The following LINGO2 variants were observed in gnomAD, a reference collection of about 807,000 sequenced individuals.
The protein encoded by LINGO2 is leucine-rich repeat and immunoglobulin-like domain-containing nogo receptor-interacting protein 2.
LINGO2 carries 14 observed loss-of-function variants against 30.6 expected under a neutral mutation model. The ratio of observed to expected loss-of-function variants is 0.46; its 90% CI spans 0.30 to 0.72. LINGO2 has a LOEUF of 0.72. Ranked by LOEUF, LINGO2 falls within the 30% of genes least tolerant of loss-of-function variation. LINGO2 has a pLI of 0.07. For synonymous variants in LINGO2, 317 were observed against 288.5 expected (o/e 1.10, Z -1.00); for missense variants, 729 against 751.7 (o/e 0.97, Z 0.35).
At chr9:28,600,632 A>G (rs1283591052) in intron 1 of LINGO2, among the ~76,000 whole-genome samples, 3 of 152,120 alleles carry the variant, frequency 2.0e-5, no homozygotes, top group Admixed American at 2.0e-4. Flanking sequence ...TTTATTTAAT[A>G]TAAATCGAAG....
intron 5 of LINGO2, among the ~76,000 whole-genome samples, chr9:27,993,472 G>A (rs1285612821): frequency 6.6e-6 from 1 of 152,026 alleles, no homozygotes; most frequent in East Asian, 1.9e-4. Flanking sequence ...AGGAGGTTGA[G>A]GCTACAGTGA....
At chr9:28,853,035 A>T in the LINGO2 span, among the ~76,000 whole-genome samples, 1 of 152,088 alleles carries the variant, frequency 6.6e-6, no homozygotes, top group East Asian at 1.9e-4. Flanking sequence ...ACTGCTGAGC[A>T]GGTGAATGGC....
At chr9:29,127,977 G>T in the LINGO2 span, among the ~76,000 whole-genome samples, 1 of 152,024 alleles carries the variant, frequency 6.6e-6, no homozygotes, top group Non-Finnish European at 1.5e-5. Context: ...AATTGGCTAA[G>T]GACAAAAGAA....
chr9:28,471,640 A>G (rs1825524463), intron 2 of LINGO2, among the ~76,000 whole-genome samples: 1 of 152,168 alleles, frequency 6.6e-6, no homozygotes, highest in Admixed American at 6.5e-5. Flanking sequence ...CAGAACAGCT[A>G]AAACAAAAAT....
chr9:29,103,209 C>G, the LINGO2 span, among the ~76,000 whole-genome samples: 2 of 152,096 alleles, frequency 1.3e-5, no homozygotes, highest in Non-Finnish European at 2.9e-5. Context: ...TTTAAAGCAT[C>G]ACAGAATTAG....
the LINGO2 span, among the ~76,000 whole-genome samples, chr9:28,760,759 T>G: frequency 1.6e-3 from 239 of 151,774 alleles, 3 homozygotes; most frequent in Non-Finnish European, 1.6e-4. Flanking sequence ...CAATGTTTGG[T>G]TTTCCATTCC....
At chr9:28,962,723 T>C in the LINGO2 span, among the ~76,000 whole-genome samples, 1 of 151,790 alleles carries the variant, frequency 6.6e-6, no homozygotes, top group Non-Finnish European at 1.5e-5. Flanking sequence ...TATACATCTA[T>C]TATATATTTA....
intron 3 of LINGO2, among the ~76,000 whole-genome samples, chr9:28,304,439 T>C (rs67268358): frequency 0.075 from 11,338 of 151,868 alleles, 516 homozygotes; most frequent in East Asian, 0.21. Context: ...TAAGATTTTA[T>C]GTATACACTT....
At chr9:28,762,472 T>G in the LINGO2 span, among the ~76,000 whole-genome samples, 1 of 152,052 alleles carries the variant, frequency 6.6e-6, no homozygotes, top group African/African-American at 2.4e-5. Flanking sequence ...TGTTTTAACT[T>G]TAAAGCAAAG....
chr9:29,116,141 T>C, the LINGO2 span, among the ~76,000 whole-genome samples: 2 of 151,716 alleles, frequency 1.3e-5, no homozygotes, highest in Non-Finnish European at 2.9e-5. Flanking sequence ...TATGGAGGAG[T>C]GATTTAAATA....
intron 1 of LINGO2, among the ~76,000 whole-genome samples, chr9:28,535,983 C>G (rs1186216402): frequency 6.6e-6 from 1 of 152,160 alleles, no homozygotes; most frequent in Non-Finnish European, 1.5e-5. Context: ...AGGAGATCAT[C>G]ATTGGATAGA....
chr9:27,964,633 G>C (rs887467081), intron 5 of LINGO2, among the ~76,000 whole-genome samples: 1 of 152,022 alleles, frequency 6.6e-6, no homozygotes, highest in Non-Finnish European at 1.5e-5. Context: ...TTATTCAGGG[G>C]AGGTAAGAGG....
intron 3 of LINGO2, among the ~76,000 whole-genome samples, chr9:28,301,526 G>A (rs1824142786): frequency 6.6e-6 from 1 of 152,152 alleles, no homozygotes; most frequent in South Asian, 2.1e-4. Context: ...TCTAGAGTGA[G>A]ACTGGAGATT....
chr9:28,258,605 G>A (rs1346885602), intron 4 of LINGO2, among the ~76,000 whole-genome samples: 1 of 151,890 alleles, frequency 6.6e-6, no homozygotes, highest in Admixed American at 6.6e-5. Flanking sequence ...ACCTTTTAAA[G>A]AATTTTTCCC....
the LINGO2 span, among the ~76,000 whole-genome samples, chr9:28,684,032 A>G: frequency 6.6e-6 from 1 of 152,204 alleles, no homozygotes; most frequent in Admixed American, 6.5e-5. Flanking sequence ...CAAAAATTCA[A>G]AAATTTCAAA....
At chr9:28,715,323 A>T in the LINGO2 span, among the ~76,000 whole-genome samples, 1 of 152,302 alleles carries the variant, frequency 6.6e-6, no homozygotes, top group African/African-American at 2.4e-5. Flanking sequence ...AATCCATATC[A>T]CAGATTCTTA....
intron 1 of LINGO2, among the ~76,000 whole-genome samples, chr9:28,504,244 T>G (rs915781859): frequency 6.6e-6 from 1 of 151,930 alleles, no homozygotes; most frequent in African/African-American, 2.4e-5. Flanking sequence ...TCCCACATAC[T>G]TATATATTTT....
At chr9:28,388,039 A>AT (rs1475713690) in intron 2 of LINGO2, among the ~76,000 whole-genome samples, 1 of 152,146 alleles carries the variant, frequency 6.6e-6, no homozygotes, top group East Asian at 1.9e-4. Flanking sequence ...CATTACTGAG[A>AT]TCAGCCATTA....
intron 4 of LINGO2, among the ~76,000 whole-genome samples, chr9:28,097,592 ACCAAACAC>A (rs1826282722): frequency 7.1e-6 from 1 of 140,850 alleles, no homozygotes; most frequent in Non-Finnish European, 1.5e-5. Flanking sequence ...AGAACAAAAA[ACCAAACAC>A]CGCATATTCT....
Sources: allele counts gnomAD v4.1 joint callset (sites outside exome capture counted in the v4.1 genomes callset), GRCh38; gene constraint gnomAD v4.1.1; transcripts MANE v1.5; gene names NCBI Gene and HGNC (gene_info 2026-07-23, HGNC 2026-07-21).